SPON1: variants seen among roughly 807,000 people sequenced by gnomAD.
SPON1 encodes the protein spondin-1.
Under a neutral mutation model 111.7 loss-of-function variants are expected in SPON1, and 52 were observed. The ratio of observed to expected loss-of-function variants is 0.47; its 90% CI spans 0.37 to 0.59. The LOEUF (loss-of-function observed/expected upper bound fraction) is 0.59, where lower values mean the gene tolerates loss of function less well. SPON1 is among the 20% of genes least tolerant of loss of function. The pLI, the probability that SPON1 is intolerant of heterozygous loss-of-function variation, is 0.00. For missense variants in SPON1, 957 were observed against 1,068.5 expected (o/e 0.90, Z 1.46); for synonymous variants, 410 against 395.8 (o/e 1.04, Z -0.43).
At chr11:14,164,294 A>G (rs1324400109) in intron 6 of SPON1, among the ~76,000 whole-genome samples, 4 of 152,172 alleles carry the variant, frequency 2.6e-5, no homozygotes, top group Admixed American at 2.0e-4. Context: ...CCCAGTATCA[A>G]TCCTCCCACT....
At chr11:14,179,668 C>T (rs1848217505) in intron 6 of SPON1, among the ~76,000 whole-genome samples, 1 of 152,128 alleles carries the variant, frequency 6.6e-6, no homozygotes, top group African/African-American at 2.4e-5. Context: ...AATTAACATT[C>T]TCCTATGTTA....
intron 2 of SPON1, among the ~76,000 whole-genome samples, chr11:14,005,139 A>C (rs1848349325): frequency 6.6e-6 from 1 of 152,152 alleles, no homozygotes; most frequent in Non-Finnish European, 1.5e-5. Context: ...TATCCAAAAA[A>C]ATTATTACAA....
chr11:14,188,051 G>A (rs1289242460), intron 6 of SPON1, among the ~76,000 whole-genome samples: 8 of 152,160 alleles, frequency 5.3e-5, no homozygotes, highest in Admixed American at 3.3e-4. Context: ...AAAGTGCCAG[G>A]ATTACAGGCC....
intron 13 of SPON1, among the ~76,000 whole-genome samples, chr11:14,260,381 G>A (rs965870082): frequency 1.7e-4 from 26 of 152,078 alleles, no homozygotes; most frequent in African/African-American, 6.3e-4. Flanking sequence ...GGGTCAGCAG[G>A]GAGATGAAAG....
chr11:13,968,529 A>G (rs1478142373), intron 1 of SPON1, among the ~76,000 whole-genome samples: 1 of 152,274 alleles, frequency 6.6e-6, no homozygotes, highest in Non-Finnish European at 1.5e-5. Context: ...TAAAATTATA[A>G]TTGTATAAAG....
rs887671238 is a variant in SPON1, at chr11:14,266,836, C to G, written c.*1149C>G. 4 of 152,088 alleles carry G rather than the reference C, an allele frequency of 2.6e-5. No homozygotes were observed. Among genetic ancestry groups the G allele is most frequent in the African/African-American group, 9.7e-5 (4 of 41,410 alleles). The allele number at this position is 152,088 out of a possible 1,614,324, so 9.4% of individuals were successfully genotyped here. On this transcript the variant is annotated 3_prime_UTR_variant, in exon 16 of 16. Transcript: ENST00000576479. ...TGGAAAGTCAAACCTGTCAGTGCTC[C>G]ACACCAGGGCTGTGGTCCTCCCAGA...
intron 6 of SPON1, among the ~76,000 whole-genome samples, chr11:14,193,641 T>C (rs896446269): frequency 5.9e-5 from 9 of 152,198 alleles, no homozygotes; most frequent in Non-Finnish European, 1.3e-4. Flanking sequence ...TCTGAGGCTC[T>C]GCCTTTTCCC....
chr11:14,111,534 G>T (rs1486156284), intron 5 of SPON1, among the ~76,000 whole-genome samples: 2 of 152,134 alleles, frequency 1.3e-5, no homozygotes, highest in African/African-American at 4.8e-5. Flanking sequence ...AATCTAATAA[G>T]GTTACTCAGA....
chr11:14,001,271 A>T (rs1041709666), intron 2 of SPON1, among the ~76,000 whole-genome samples: 21 of 152,336 alleles, frequency 1.4e-4, no homozygotes, highest in African/African-American at 4.6e-4. Context: ...TGGGAGCCCA[A>T]TCCTGAAGGG....
intron 6 of SPON1, among the ~76,000 whole-genome samples, chr11:14,195,101 A>G (rs1365363374): frequency 2.0e-5 from 3 of 152,204 alleles, no homozygotes; most frequent in African/African-American, 7.2e-5. Flanking sequence ...TGTAATTACT[A>G]AGTAGCCAGA....
At chr11:13,976,052 G>A (rs571634652) in intron 1 of SPON1, among the ~76,000 whole-genome samples, 30 of 152,064 alleles carry the variant, frequency 2.0e-4, no homozygotes, top group South Asian at 4.2e-4. Context: ...TTAACTCTAC[G>A]TTCCTATAAG....
At chr11:14,113,761 C>G (rs1388289192) in intron 5 of SPON1, among the ~76,000 whole-genome samples, 1 of 151,544 alleles carries the variant, frequency 6.6e-6, no homozygotes, top group Non-Finnish European at 1.5e-5. Flanking sequence ...CGCCACCACG[C>G]CCGGCTAATT....
At chr11:13,963,899 C>G (rs932145883) in intron 1 of SPON1, among the ~76,000 whole-genome samples, 2 of 152,328 alleles carry the variant, frequency 1.3e-5, no homozygotes, top group African/African-American at 2.4e-5. Context: ...AGAGAAGCCC[C>G]GATGCCCGAG....
At chr11:14,149,997 A>G (rs1430724910) in intron 6 of SPON1, among the ~76,000 whole-genome samples, 1 of 152,224 alleles carries the variant, frequency 6.6e-6, no homozygotes, top group Non-Finnish European at 1.5e-5. Context: ...TTACACCAGT[A>G]TGATGAAGAG....
At chr11:14,207,237 A>G (rs1423621152) in intron 6 of SPON1, among the ~76,000 whole-genome samples, 10 of 152,224 alleles carry the variant, frequency 6.6e-5, no homozygotes, top group African/African-American at 2.4e-4. Context: ...AAATTAACTC[A>G]AGATGGATAA....
At chr11:14,126,263 C>A (rs1554926990) in intron 5 of SPON1, among the ~76,000 whole-genome samples, 1 of 152,194 alleles carries the variant, frequency 6.6e-6, no homozygotes, top group African/African-American at 2.4e-5. Flanking sequence ...ATCACTCTGC[C>A]ATGTGCAGAA....
intron 5 of SPON1, among the ~76,000 whole-genome samples, chr11:14,090,824 G>GCCCCCCCCCCCCCCC (rs1176498162): frequency 4.4e-5 from 2 of 45,578 alleles, no homozygotes; most frequent in African/African-American, 2.0e-4. Context: ...CTCTTATCTG[G>GCCCCCCCCCCCCCCC]CCCCCCCCCC....
intron 2 of SPON1, among the ~76,000 whole-genome samples, chr11:14,033,388 C>A (rs78552591): frequency 0.011 from 1,700 of 152,292 alleles, 26 homozygotes; most frequent in African/African-American, 0.039. Flanking sequence ...TCCTCTGGGA[C>A]CTTGATGCTG....
At chr11:14,057,244 G>T (rs533059401) in intron 3 of SPON1, among the ~76,000 whole-genome samples, 1 of 152,274 alleles carries the variant, frequency 6.6e-6, no homozygotes, top group Non-Finnish European at 1.5e-5. Flanking sequence ...GCAATGAGAA[G>T]AAAACGACAC....
Sources: allele counts gnomAD v4.1 joint callset (sites outside exome capture counted in the v4.1 genomes callset), GRCh38; gene constraint gnomAD v4.1.1; transcripts MANE v1.5; gene names NCBI Gene and HGNC (gene_info 2026-07-23, HGNC 2026-07-21).